Variants in PTPRK observed in about 807,000 individuals in gnomAD.
PTPRK encodes protein tyrosine phosphatase receptor type K.
In PTPRK, 75 loss-of-function variants were observed where a neutral mutation model predicts 178.0. The observed-to-expected ratio is 0.42, with a 90% CI of 0.35 to 0.51. PTPRK has a LOEUF of 0.51. Among genes scored for constraint, PTPRK ranks in the 20% least tolerant of loss-of-function variants. PTPRK has a pLI of 0.02. For missense variants in PTPRK, 1,441 were observed against 1,797.8 expected (o/e 0.80, Z 3.59); for synonymous variants, 637 against 620.6 (o/e 1.03, Z -0.39).
At chr6:128,060,278 G>T (rs532777274) in intron 13 of PTPRK, among the ~76,000 whole-genome samples, 39 of 152,096 alleles carry the variant, frequency 2.6e-4, no homozygotes, top group Non-Finnish European at 5.0e-4. Context: ...AATATTCAGA[G>T]CTATTATTTC....
intron 21 of PTPRK, among the ~76,000 whole-genome samples, chr6:127,986,703 A>G (rs1406859244): frequency 6.6e-6 from 1 of 152,174 alleles, no homozygotes; most frequent in African/African-American, 2.4e-5. Context: ...ACTATAATCT[A>G]TATAATTCAA....
At chr6:128,213,380 G>T (rs1808604220) in intron 6 of PTPRK, among the ~76,000 whole-genome samples, 1 of 151,974 alleles carries the variant, frequency 6.6e-6, no homozygotes, top group Admixed American at 6.6e-5. Context: ...GACACATTTG[G>T]TATCCACTGG....
chr6:128,010,564 C>T (rs1373615275), intron 13 of PTPRK, among the ~76,000 whole-genome samples: 1 of 151,064 alleles, frequency 6.6e-6, no homozygotes, highest in Non-Finnish European at 1.5e-5. Context: ...CAGATTCTGC[C>T]AAAAGGAGAC....
At chr6:128,134,005 G>A (rs774391795) in intron 7 of PTPRK, among the ~76,000 whole-genome samples, 51 of 152,072 alleles carry the variant, frequency 3.4e-4, no homozygotes, top group Non-Finnish European at 6.8e-4. Flanking sequence ...CAACCAAAGT[G>A]ACAAAACAGT....
intron 3 of PTPRK, among the ~76,000 whole-genome samples, chr6:128,246,219 G>T (rs1815430153): frequency 6.6e-6 from 1 of 152,032 alleles, no homozygotes; most frequent in Non-Finnish European, 1.5e-5. Context: ...ACACATCATT[G>T]TTGGTTATTT....
intron 7 of PTPRK, among the ~76,000 whole-genome samples, chr6:128,183,734 A>G (rs1274431850): frequency 6.6e-6 from 1 of 152,198 alleles, no homozygotes; most frequent in African/African-American, 2.4e-5. Context: ...ATTAATAGCT[A>G]ACAATTCCTC....
intron 25 of PTPRK, among the ~76,000 whole-genome samples, chr6:127,980,193 C>T (rs1313837998): frequency 6.6e-6 from 1 of 152,172 alleles, no homozygotes; most frequent in African/African-American, 2.4e-5. Flanking sequence ...GCCTGTAGTC[C>T]CAGCTACTTG....
At chr6:128,159,866 T>A (rs1352863107) in intron 7 of PTPRK, among the ~76,000 whole-genome samples, 1 of 151,640 alleles carries the variant, frequency 6.6e-6, no homozygotes, top group Non-Finnish European at 1.5e-5. Flanking sequence ...GAATACAGAT[T>A]TATGGTAAGA....
chr6:128,050,906 T>C (rs567346348), intron 13 of PTPRK, among the ~76,000 whole-genome samples: 20 of 152,334 alleles, frequency 1.3e-4, no homozygotes, highest in Admixed American at 2.6e-4. Flanking sequence ...GTTATTTCAG[T>C]ATGTATGCTA....
chr6:128,287,976 A>C (rs986349806), intron 3 of PTPRK, among the ~76,000 whole-genome samples: 1 of 151,850 alleles, frequency 6.6e-6, no homozygotes, highest in South Asian at 2.1e-4. Context: ...CTCCCTACCT[A>C]CTTTCTATTT....
At chr6:128,042,216 A>G (rs1168182901) in intron 13 of PTPRK, among the ~76,000 whole-genome samples, 1 of 152,054 alleles carries the variant, frequency 6.6e-6, no homozygotes, top group Non-Finnish European at 1.5e-5. Context: ...AGTCATTTTC[A>G]TGTTTTTAGA....
At chr6:128,436,882 C>T (rs1845663978) in intron 1 of PTPRK, among the ~76,000 whole-genome samples, 2 of 152,166 alleles carry the variant, frequency 1.3e-5, no homozygotes, top group Non-Finnish European at 2.9e-5. Context: ...TATAAAGCCT[C>T]AGTTACGCAG....
At position 128,097,831 on chromosome 6, in the gene PTPRK, T is replaced by G. The variant is rs985556564; in HGVS notation, c.1163-7839A>C. Among the ~76,000 whole-genome samples, 15 of 152,272 alleles carry G rather than the reference T, an allele frequency of 9.9e-5. No homozygotes were observed. The South Asian group carries it at 3.1e-3, about 32-fold the overall frequency. The stretch of plus-strand genomic sequence containing the variant: ...ACTTCTGTAGGATCAAGCTTTATTT[T>G]TCATAAAATTTTTTAGCAACAGTAT... On this transcript the variant is annotated intron_variant, in intron 7 of 29. Transcript: ENST00000368226.
At chr6:128,258,889 C>G (rs556102725) in intron 3 of PTPRK, among the ~76,000 whole-genome samples, 1 of 152,092 alleles carries the variant, frequency 6.6e-6, no homozygotes, top group Non-Finnish European at 1.5e-5. Flanking sequence ...AGGCAGAGAG[C>G]AGAAGACAAT....
chr6:128,340,832 T>A (rs761842295), intron 2 of PTPRK: 21 of 453,132 alleles, frequency 4.6e-5, no homozygotes, highest in Non-Finnish European at 8.1e-5. Context: ...ATCATTTGAG[T>A]TAATGTCATC....
At chr6:128,302,445 C>T (rs1222163674) in intron 3 of PTPRK, among the ~76,000 whole-genome samples, 3 of 145,602 alleles carry the variant, frequency 2.1e-5, no homozygotes, top group South Asian at 2.2e-4. Context: ...ATATCATGTG[C>T]GTCAGAACTA....
intron 2 of PTPRK, among the ~76,000 whole-genome samples, chr6:128,332,876 T>A (rs114117090): frequency 8.5e-5 from 13 of 152,286 alleles, no homozygotes; most frequent in African/African-American, 3.1e-4. Flanking sequence ...ACACACACAC[T>A]TACTTCACCA....
chr6:128,462,444 C>T (rs142086222), intron 1 of PTPRK, among the ~76,000 whole-genome samples: 264 of 151,890 alleles, frequency 1.7e-3, no homozygotes, highest in Admixed American at 7.7e-3. Context: ...TTATCATACC[C>T]GTGATGTAAC....
intron 13 of PTPRK, among the ~76,000 whole-genome samples, chr6:128,039,312 G>A (rs1776767615): frequency 6.6e-6 from 1 of 152,088 alleles, no homozygotes; most frequent in African/African-American, 2.4e-5. Flanking sequence ...GCAAGCTTCA[G>A]ACCACTATTT....
Sources: gnomAD v4.1 joint callset for allele counts (sites outside exome capture counted in the v4.1 genomes callset) on GRCh38, gnomAD v4.1.1 for gene constraint, MANE v1.5 for transcripts, NCBI Gene and HGNC (gene_info 2026-07-23, HGNC 2026-07-21) for gene names.